MIAT: variants seen among roughly 807,000 people sequenced by gnomAD.
MIAT encodes MI related novel mRNA.
chr22:26,668,947 A>G, exon 6 of MIAT: 2 of 398,716 alleles, frequency 5.0e-6, no homozygotes, highest in Non-Finnish European at 8.8e-6. Context: ...CACTAGAAAG[A>G]GACAGGTGGC....
intron 3 of MIAT, chr22:26,663,431 G>T (rs1930739603): frequency 2.5e-6 from 1 of 398,652 alleles, no homozygotes; most frequent in Non-Finnish European, 4.4e-6. Flanking sequence ...GTCCACTGGG[G>T]ATGGTAGAGA....
exon 5 of MIAT, chr22:26,675,145 C>T (rs1393549011): frequency 5.0e-6 from 2 of 398,726 alleles, no homozygotes; most frequent in East Asian, 3.6e-5. Flanking sequence ...CAGAGAGACA[C>T]CTAATCCACC....
At chr22:26,674,593 T>G, downstream of MIAT, 1 of 398,538 alleles carries the variant, frequency 2.5e-6, no homozygotes, top group Non-Finnish European at 4.4e-6. Flanking sequence ...TAGTTGGCAG[T>G]GGGGGTGAAG....
chr22:26,673,939 A>T, downstream of MIAT: 1 of 398,606 alleles, frequency 2.5e-6, no homozygotes, highest in Non-Finnish European at 4.4e-6. Context: ...TTCAGTTCTT[A>T]AAAAAATATA....
chr22:26,658,706 G>T (rs1232330674), intron 2 of MIAT, among the ~76,000 whole-genome samples: 2 of 152,226 alleles, frequency 1.3e-5, no homozygotes, highest in African/African-American at 4.8e-5. Context: ...AGGCTGCCCG[G>T]CGCCTGGGAT....
chr22:26,675,667 A>G (rs1931235755), exon 5 of MIAT: 2 of 398,684 alleles, frequency 5.0e-6, no homozygotes, highest in Non-Finnish European at 8.8e-6. Context: ...CAATCTTGAA[A>G]ACATGTCATC....
downstream of MIAT, chr22:26,674,616 G>T (rs1168043952): frequency 1.8e-5 from 7 of 398,624 alleles, no homozygotes; most frequent in African/African-American, 1.2e-4. Context: ...TGATCCAGAG[G>T]CCTGAGCTGC....
At chr22:26,651,040 G>C (rs1177536673) in intron 2 of MIAT, among the ~76,000 whole-genome samples, 1 of 151,844 alleles carries the variant, frequency 6.6e-6, no homozygotes, top group Admixed American at 6.6e-5. Flanking sequence ...AAGGGGTCAA[G>C]TTCATTGCAT....
chr22:26,657,179 C>T (rs1602357167), intron 2 of MIAT: 1 of 234,308 alleles, frequency 4.3e-6, no homozygotes, highest in Non-Finnish European at 8.2e-6. Context: ...CCTCTCCAGC[C>T]CTGAGCTCTC....
exon 5 of MIAT, chr22:26,675,589 T>C (rs1353755928): frequency 5.0e-6 from 2 of 398,504 alleles, no homozygotes; most frequent in African/African-American, 2.1e-5. Context: ...CTACCCCAGT[T>C]GGAAGTATCT....
chr22:26,674,559 T>G (rs1449857380), downstream of MIAT: 4 of 398,706 alleles, frequency 1.0e-5, no homozygotes, highest in Non-Finnish European at 1.8e-5. Context: ...CTCTGGCAAC[T>G]GTGGACTCAG....
At chr22:26,655,997 TTTTTCTTTTC>T (rs374546845) in intron 2 of MIAT, 172 of 153,354 alleles carry the variant, frequency 1.1e-3, no homozygotes, top group Non-Finnish European at 1.7e-3. Flanking sequence ...CTGAATTGTA[TTTTTCTTTTC>T]TTTTCTTTTC....
exon 6 of MIAT, chr22:26,668,872 G>C (rs907100227): frequency 1.8e-5 from 7 of 398,578 alleles, no homozygotes; most frequent in African/African-American, 1.4e-4. Context: ...CAGCCAGAGG[G>C]GCTGAGAGTG....
At chr22:26,662,114 G>A (rs78418756) in intron 2 of MIAT, among the ~76,000 whole-genome samples, 1 of 151,472 alleles carries the variant, frequency 6.6e-6, no homozygotes, top group Admixed American at 6.6e-5. Context: ...ACATAACCAC[G>A]CCCAGCTAAT....
chr22:26,647,061 A>C, intron 1 of MIAT: 1 of 398,030 alleles, frequency 2.5e-6, no homozygotes, highest in African/African-American at 2.1e-5. Context: ...TAGAAGGCAT[A>C]AGCAGCTGGG....
chr22:26,652,747 G>C (rs1415109844), intron 2 of MIAT, among the ~76,000 whole-genome samples: 2 of 152,148 alleles, frequency 1.3e-5, no homozygotes, highest in East Asian at 3.8e-4. Context: ...GTTTCTCCAA[G>C]GGCTGTTCTA....
chr22:26,667,349 T>TGTGTGCGC (rs1555949602), intron 5 of MIAT: 2 of 387,336 alleles, frequency 5.2e-6, no homozygotes, highest in Admixed American at 4.6e-5. Context: ...TGTGTGTGTG[T>TGTGTGCGC]GTGTGCGTGT....
chr22:26,668,259 C>T (rs997948891), exon 6 of MIAT: 10 of 398,544 alleles, frequency 2.5e-5, no homozygotes, highest in Middle Eastern at 6.2e-4. Context: ...CGGTCAGACT[C>T]CGGTGGTTTT....
intron 5 of MIAT, chr22:26,667,620 G>T (rs544116563): frequency 9.4e-6 from 2 of 212,454 alleles, no homozygotes; most frequent in African/African-American, 3.2e-5. Flanking sequence ...CTGGTCCCCT[G>T]AGCTAACCCT....
Sources: allele counts gnomAD v4.1 joint callset (sites outside exome capture counted in the v4.1 genomes callset), GRCh38; gene constraint gnomAD v4.1.1; transcripts MANE v1.5; gene names NCBI Gene and HGNC (gene_info 2026-07-23, HGNC 2026-07-21).